RGSL1: variants seen among roughly 807,000 people sequenced by gnomAD.
RGSL1 encodes the protein regulator of G protein signaling protein-like.
Under a neutral mutation model 124.7 loss-of-function variants are expected in RGSL1, and 97 were observed. The observed-to-expected ratio is 0.78, with a 90% CI of 0.66 to 0.92. The LOEUF is 0.92. RGSL1 is among the 40% of genes least tolerant of loss of function. The pLI is 0.00. For missense variants in RGSL1, 1,233 were observed against 1,288.4 expected (o/e 0.96, Z 0.66); for synonymous variants, 424 against 438.1 (o/e 0.97, Z 0.40).
In RGSL1 at chr1:182,474,552, G is replaced by C. The variant is rs534756918; in HGVS notation, c.1431+10G>C. On this transcript the variant is annotated intron_variant, in intron 6 of 21. Transcript: ENST00000294854. ...GAAGGAGATTTGCAAGGTAGGCCAT[G>C]CCTCACAGAAATAAGTTATATCTGG... The C allele has an allele frequency of 6.4e-4, 972 of 1,527,912 alleles. 9 individuals are homozygous for C. The Middle Eastern group carries it at 0.018, about 28-fold the overall frequency. The allele number at this position is 1,527,912 out of a possible 1,614,324, so 94.6% of individuals were successfully genotyped here. A position where few individuals can be genotyped will look rare whatever the true frequency, so the allele number is the denominator to read the frequency against.
intron 1 of RGSL1, among the ~76,000 whole-genome samples, chr1:182,450,744 A>T (rs1651746244): frequency 6.6e-6 from 1 of 152,148 alleles, no homozygotes; most frequent in Non-Finnish European, 1.5e-5. Context: ...ATCACTAGGG[A>T]ATTTCTGCCA....
intron 13 of RGSL1, 103 bp downstream of exon 13, chr1:182,531,013 C>T: frequency 7.6e-7 from 1 of 1,323,278 alleles, no homozygotes; most frequent in South Asian, 1.4e-5. Flanking sequence ...ATCTGAGACT[C>T]AGATAAATTA....
At chr1:182,530,160 TAA>T (rs368825841) in intron 11 of RGSL1, 82 bp from the exon 12 acceptor site, 225 of 776,112 alleles carry the variant, frequency 2.9e-4, no homozygotes, top group Non-Finnish European at 3.2e-4. Flanking sequence ...GACTCTAAGA[TAA>T]AAAAAAAAAA....
rs146583791 is a variant in RGSL1 at position 182,501,276 on chromosome 1, CTTTTT to C, written c.1825+8151_1825+8155del. On this transcript the variant is annotated intron_variant, in intron 9 of 21. Transcript: ENST00000294854. ...CCTTTCTCTCTTTCTCTCTTTCTTT[CTTTTT>C]TTTCTTTTCTTTTCTTTTTTCTTTT... is the stretch of plus-strand genomic sequence containing the variant. Among the ~76,000 whole-genome samples, 578 of 112,398 alleles carry C rather than the reference CTTTTT, an allele frequency of 5.1e-3. 6 individuals carry two copies. The highest frequency in any genetic ancestry group is 0.017 in the African/African-American group (520 of 30,544). 73.7% of individuals were successfully genotyped at this position (112,398 alleles called of 152,430 possible). A position where few individuals can be genotyped will look rare whatever the true frequency, so the allele number is the denominator to read the frequency against.
chr1:182,540,511 T>A (rs12749557), intron 15 of RGSL1, 90 bp downstream of exon 15: 2 of 1,202,174 alleles, frequency 1.7e-6, no homozygotes, highest in Non-Finnish European at 2.3e-6. Flanking sequence ...CTGTTAGAGA[T>A]ACAGTGATTT....
chr1:182,475,962 A>G (rs1654259212), intron 6 of RGSL1, among the ~76,000 whole-genome samples: 1 of 152,226 alleles, frequency 6.6e-6, no homozygotes, highest in Non-Finnish European at 1.5e-5. Flanking sequence ...TGCTTCTCTT[A>G]TACAGATAAG....
At chr1:182,537,300 A>C (rs1558406903) in intron 14 of RGSL1, among the ~76,000 whole-genome samples, 2 of 152,198 alleles carry the variant, frequency 1.3e-5, no homozygotes, top group South Asian at 2.1e-4. Context: ...AAATTACCTT[A>C]AGTCTATATG....
At chr1:182,539,938 A>G (rs965027612) in intron 14 of RGSL1, among the ~76,000 whole-genome samples, 1 of 152,222 alleles carries the variant, frequency 6.6e-6, no homozygotes, top group Non-Finnish European at 1.5e-5. Context: ...GGAAGGTCAC[A>G]TCTCGTGTTT....
intron 8 of RGSL1, 75 bp downstream of exon 8, chr1:182,489,277 T>A: frequency 7.7e-7 from 1 of 1,294,790 alleles, no homozygotes; most frequent in Non-Finnish European, 1.1e-6. Flanking sequence ...ATTTACTAAT[T>A]ATTTACTAAG....
rs527571203 is a variant in RGSL1, at chr1:182,481,646, G to A, written c.1432-6639G>A. On this transcript the variant is annotated intron_variant, in intron 6 of 21. Transcript: ENST00000294854. ...AGACACAAGAAGAAAAGTAAACCAC[G>A]GGTCAATATCCCTGAGGAAAACAGA... Among the ~76,000 whole-genome samples, 4 of 152,200 alleles carry A rather than the reference G, an allele frequency of 2.6e-5. No homozygotes were observed. The East Asian group carries it at 5.8e-4, about 22-fold the overall frequency.
chr1:182,501,594 C>T (rs371490419), intron 9 of RGSL1, among the ~76,000 whole-genome samples: 71 of 152,190 alleles, frequency 4.7e-4, no homozygotes, highest in African/African-American at 1.7e-3. Context: ...GCTGGGATTA[C>T]AGACGTGAGC....
intron 6 of RGSL1, among the ~76,000 whole-genome samples, chr1:182,481,840 C>T (rs1033170061): frequency 6.6e-6 from 1 of 152,122 alleles, no homozygotes; most frequent in Non-Finnish European, 1.5e-5. Flanking sequence ...ATTATCTTGG[C>T]ATGGTGGCGT....
chr1:182,484,855 G>A (rs751835913), intron 6 of RGSL1, among the ~76,000 whole-genome samples: 19 of 152,200 alleles, frequency 1.2e-4, no homozygotes, highest in Non-Finnish European at 2.2e-4. Flanking sequence ...CTGCAACTTG[G>A]CTTGGGGATG....
intron 9 of RGSL1, among the ~76,000 whole-genome samples, chr1:182,504,894 C>T (rs10797777): frequency 0.49 from 74,141 of 151,986 alleles, 18,465 homozygotes; most frequent in East Asian, 0.54. Context: ...TCACTCCTCG[C>T]TTGCCTGGAA....
At chr1:182,461,121 C>T (rs1465166685) in intron 4 of RGSL1, among the ~76,000 whole-genome samples, 1 of 151,772 alleles carries the variant, frequency 6.6e-6, no homozygotes, top group Non-Finnish European at 1.5e-5. Flanking sequence ...CATCTTCCCC[C>T]TTCTTCATTT....
At chr1:182,448,517 T>C (rs1480847411), upstream of RGSL1, among the ~76,000 whole-genome samples, 3 of 152,112 alleles carry the variant, frequency 2.0e-5, no homozygotes, top group Non-Finnish European at 2.9e-5. Context: ...AGCCACTGCA[T>C]CTGGCCCCAA....
chr1:182,525,375 C>G (rs1658664717), intron 10 of RGSL1, among the ~76,000 whole-genome samples: 1 of 151,976 alleles, frequency 6.6e-6, no homozygotes, highest in African/African-American at 2.4e-5. Flanking sequence ...TAAAGAAAAT[C>G]ATGTGTAAAG....
chr1:182,510,481 G>C (rs375992959), intron 9 of RGSL1, among the ~76,000 whole-genome samples: 1 of 47,016 alleles, frequency 2.1e-5, no homozygotes, highest in African/African-American at 9.7e-5. Flanking sequence ...GCTGGAGACC[G>C]GCCCGACCAA....
intron 6 of RGSL1, among the ~76,000 whole-genome samples, chr1:182,483,102 G>A (rs1256499937): frequency 6.6e-6 from 1 of 152,192 alleles, no homozygotes; most frequent in African/African-American, 2.4e-5. Context: ...AATGGCAGTT[G>A]CCAGCAGCTT....
Sources: gnomAD v4.1 joint callset for allele counts (sites outside exome capture counted in the v4.1 genomes callset) on GRCh38, gnomAD v4.1.1 for gene constraint, MANE v1.5 for transcripts, NCBI Gene and HGNC (gene_info 2026-07-23, HGNC 2026-07-21) for gene names.